The following TOM1L2 variants were observed in gnomAD, a reference collection of about 807,000 sequenced individuals.
The protein encoded by TOM1L2 is target of myb1 like 2 membrane trafficking protein.
TOM1L2 carries 31 observed loss-of-function variants against 67.9 expected under a neutral mutation model. The observed-to-expected ratio is 0.46, with a 90% CI of 0.34 to 0.62. TOM1L2 has a LOEUF of 0.62. TOM1L2 is among the 20% of genes least tolerant of loss of function. TOM1L2 has a pLI of 0.01. For synonymous variants in TOM1L2, 256 were observed against 254.0 expected (o/e 1.01, Z -0.07); for missense variants, 606 against 663.5 (o/e 0.91, Z 0.95).
chr17:17,909,660 A>G (rs2039258123), intron 1 of TOM1L2, among the ~76,000 whole-genome samples: 2 of 152,204 alleles, frequency 1.3e-5, no homozygotes, highest in Admixed American at 6.5e-5. Context: ...GGGAAAATGA[A>G]AGAGTTCTGG....
At chr17:17,909,077 A>T (rs9900947) in intron 1 of TOM1L2, among the ~76,000 whole-genome samples, 1,803 of 152,282 alleles carry the variant, frequency 0.012, 34 homozygotes, top group African/African-American at 0.039. Flanking sequence ...GCTACTCAGG[A>T]GGCTGAGGCA....
intron 8 of TOM1L2, among the ~76,000 whole-genome samples, chr17:17,867,968 A>G (rs2036947806): frequency 6.6e-6 from 1 of 152,236 alleles, no homozygotes; most frequent in African/African-American, 2.4e-5. Context: ...TCTAACCAGG[A>G]TAGCACTTCC....
Position 17,928,580 on chromosome 17 carries a change from C to G in TOM1L2, c.53-21049G>C, listed in dbSNP as rs555319717. 3.3e-5 allele frequency among the ~76,000 whole-genome samples: 5 copies of G among 152,296 alleles called. No homozygotes were observed. In the South Asian group the frequency reaches 1.0e-3, roughly 32 times the overall value. On this transcript the variant is annotated intron_variant, in intron 1 of 14. Transcript: ENST00000379504. ...CTCAGTGAGGGCCCCAGACGGCCCC[C>G]GCGTGAGCATGCACACACGAGATGA...
At chr17:17,962,094 T>C (rs912997542) in intron 1 of TOM1L2, among the ~76,000 whole-genome samples, 1 of 152,174 alleles carries the variant, frequency 6.6e-6, no homozygotes, top group Non-Finnish European at 1.5e-5. Flanking sequence ...GAAGACATTA[T>C]GCAAGTGAAG....
chr17:17,949,078 G>T (rs951218585), intron 1 of TOM1L2, among the ~76,000 whole-genome samples: 7 of 152,148 alleles, frequency 4.6e-5, no homozygotes, highest in African/African-American at 1.7e-4. Flanking sequence ...AGCAGGTCAG[G>T]GACACCTTAA....
intron 1 of TOM1L2, among the ~76,000 whole-genome samples, chr17:17,945,175 A>G (rs1296366284): frequency 6.6e-6 from 1 of 152,144 alleles, no homozygotes; most frequent in African/African-American, 2.4e-5. Context: ...AGATGATTTT[A>G]TGCAGTCATT....
At chr17:17,956,569 C>T (rs1347109325) in intron 1 of TOM1L2, among the ~76,000 whole-genome samples, 3 of 152,174 alleles carry the variant, frequency 2.0e-5, no homozygotes, top group Non-Finnish European at 2.9e-5. Flanking sequence ...TGGGGAGGTT[C>T]GGGCCGCATA....
At chr17:17,901,498 C>T (rs2038855153) in intron 2 of TOM1L2, among the ~76,000 whole-genome samples, 1 of 152,174 alleles carries the variant, frequency 6.6e-6, no homozygotes, top group African/African-American at 2.4e-5. Flanking sequence ...AGAACTCTTC[C>T]CTGATCCCCA....
intron 1 of TOM1L2, among the ~76,000 whole-genome samples, chr17:17,932,614 G>A (rs1202936353): frequency 2.0e-5 from 3 of 152,130 alleles, no homozygotes; most frequent in African/African-American, 7.2e-5. Context: ...GGCCTCTCTG[G>A]AGCAGGCATG....
At chr17:17,922,191 G>C (rs1022813720) in intron 1 of TOM1L2, among the ~76,000 whole-genome samples, 2 of 152,222 alleles carry the variant, frequency 1.3e-5, no homozygotes, top group African/African-American at 2.4e-5. Context: ...CTGAACAGGG[G>C]AGCAGAGGGG....
At position 17,847,725 on chromosome 17, in the gene TOM1L2, G is replaced by A. The variant is rs778516125; in HGVS notation, c.1434C>T (p.Pro478=). The A allele has an allele frequency of 2.7e-5, 44 of 1,613,966 alleles. No individual in the cohort carries two copies. Among genetic ancestry groups the A allele is most frequent in the Non-Finnish European group, 3.6e-5 (42 of 1,180,018 alleles). Residue 478 remains proline (P), a synonymous_variant, in exon 15 of 15, where the codon CCC becomes CCT. Transcript: ENST00000379504. ...GGGCAGGAGCCTCCATGGGGGGCGA[G>A]GGGAGGTCGGGAACCATTTCAGCAG... ...AKAAEMVPDL[P]SPPMEAPAPA... is the part of the protein sequence containing the mutation.
chr17:17,962,834 G>A (rs1041020752), intron 1 of TOM1L2, among the ~76,000 whole-genome samples: 9 of 151,994 alleles, frequency 5.9e-5, no homozygotes, highest in African/African-American at 2.2e-4. Context: ...GGTGGCGCGT[G>A]CCTGTAGTCC....
At chr17:17,857,635 G>A in intron 12 of TOM1L2, 1 of 729,498 alleles carries the variant, frequency 1.4e-6, no homozygotes, top group South Asian at 2.0e-5. Flanking sequence ...TGGCACCCCT[G>A]CCAGAAAGAA....
At chr17:17,950,241 C>A (rs1303427935) in intron 1 of TOM1L2, among the ~76,000 whole-genome samples, 1 of 152,172 alleles carries the variant, frequency 6.6e-6, no homozygotes, top group Non-Finnish European at 1.5e-5. Context: ...ACTGCAACCT[C>A]CACCTCCTGG....
chr17:17,861,108 G>C (rs956335210), intron 12 of TOM1L2, among the ~76,000 whole-genome samples: 2 of 152,214 alleles, frequency 1.3e-5, no homozygotes, highest in African/African-American at 4.8e-5. Flanking sequence ...TAGGAGACTT[G>C]TGCCTGGAGA....
chr17:17,863,612 T>C (rs911330975), intron 10 of TOM1L2, among the ~76,000 whole-genome samples: 20 of 150,790 alleles, frequency 1.3e-4, no homozygotes, highest in African/African-American at 4.6e-4. Flanking sequence ...TCTCTTGGCA[T>C]GATCATGGCT....
At chr17:17,952,372 T>C (rs1213205787) in intron 1 of TOM1L2, among the ~76,000 whole-genome samples, 1 of 81,600 alleles carries the variant, frequency 1.2e-5, no homozygotes, top group Non-Finnish European at 2.1e-5. Flanking sequence ...TGCTTCTTTA[T>C]TTTCTTTTTT....
chr17:17,916,545 A>G (rs2144557296), intron 1 of TOM1L2, among the ~76,000 whole-genome samples: 1 of 152,244 alleles, frequency 6.6e-6, no homozygotes, highest in African/African-American at 2.4e-5. Flanking sequence ...CCCTCTAAAT[A>G]CTTTTGGCAC....
chr17:17,894,974 T>TGC (rs879626308), intron 3 of TOM1L2, among the ~76,000 whole-genome samples: 6,733 of 150,290 alleles, frequency 0.045, 191 homozygotes, highest in Non-Finnish European at 0.059. Flanking sequence ...CATACATACA[T>TGC]ACATGCATGC....
Sources: gnomAD v4.1 joint callset for allele counts (sites outside exome capture counted in the v4.1 genomes callset) on GRCh38, gnomAD v4.1.1 for gene constraint, MANE v1.5 for transcripts, NCBI Gene and HGNC (gene_info 2026-07-23, HGNC 2026-07-21) for gene names.